Variants in NYAP2 observed in about 807,000 individuals in gnomAD.
NYAP2 encodes the protein neuronal tyrosine-phosphorylated phosphoinositide-3-kinase adaptor 2, also known as neuronal tyrosine-phosphorylated phosphoinositide-3-kinase adapter 2.
NYAP2 carries 23 observed loss-of-function variants against 50.4 expected under a neutral mutation model. The observed-to-expected ratio is 0.46, with a 90% CI of 0.33 to 0.65. The LOEUF is 0.65. Ranked by LOEUF, NYAP2 falls within the 30% of genes least tolerant of loss-of-function variation. The probability of loss-of-function intolerance (pLI) is 0.02; values close to 1 mark genes in which losing one functional copy is unlikely to be tolerated. For synonymous variants in NYAP2, 394 were observed against 365.2 expected (o/e 1.08, Z -0.90); for missense variants, 885 against 861.0 (o/e 1.03, Z -0.35).
downstream of NYAP2, among the ~76,000 whole-genome samples, chr2:225,654,764 C>T (rs578014558): frequency 6.6e-6 from 1 of 152,302 alleles, no homozygotes; most frequent in East Asian, 1.9e-4. Context: ...TGGTGCTTGT[C>T]TATGGAGGAA....
chr2:225,652,391 G>C (rs2106273118), exon 7 of NYAP2: 1 of 152,278 alleles, frequency 6.6e-6, no homozygotes, highest in South Asian at 2.1e-4. Context: ...AAAGAGACAA[G>C]AAATAAAGGC....
chr2:225,632,404 C>G lies in NYAP2; in HGVS notation c.1828+5278C>G, dbSNP rs373944052. On this transcript the variant is annotated intron_variant, in intron 6 of 6. Transcript: ENST00000636099. Reference sequence around the variant, plus strand: ...TTCTGCGTCTATTTCTCTCTGTCCCCCCTCCACACTGATATACATACAAAC... The same window carrying G: ...TTCTGCGTCTATTTCTCTCTGTCCCGCCTCCACACTGATATACATACAAAC... Among the ~76,000 whole-genome samples the G allele has an allele frequency of 5.9e-5, 9 of 152,272 alleles. No homozygotes were observed. In the South Asian group the frequency reaches 1.7e-3, roughly 28 times the overall value.
In NYAP2 at chr2:225,582,299, G is replaced by T. The variant is rs762294837; in HGVS notation, c.882G>T (p.Ser294=). The T allele has an allele frequency of 1.9e-6, 3 of 1,613,994 alleles. No individual in the cohort carries two copies. The highest frequency in any genetic ancestry group is 1.7e-5 in the Admixed American group (1 of 60,018). Residue 294 remains serine (S), a synonymous_variant, in exon 5 of 7, where the codon TCG becomes TCT. Transcript: ENST00000636099. The surrounding 1 kb of genome is among the most constrained non-coding windows in gnomAD (Gnocchi z 7.0). ...ACTTCGACCATCACAGCTGTTCTTC[G>T]CAGTGTGCTACTCCCACGGTGCCTG...
chr2:225,551,510 A>G (rs1021592529), intron 4 of NYAP2, among the ~76,000 whole-genome samples: 11 of 152,170 alleles, frequency 7.2e-5, no homozygotes, highest in African/African-American at 2.7e-4. Flanking sequence ...ACTGAGACAA[A>G]CCCCAAGGCA....
intron 3 of NYAP2, among the ~76,000 whole-genome samples, chr2:225,459,921 C>T (rs1438802648): frequency 3.3e-5 from 5 of 152,162 alleles, no homozygotes; most frequent in Admixed American, 6.5e-5. Context: ...ATCTGCCCAC[C>T]TCGGCCTCCC....
intron 3 of NYAP2, among the ~76,000 whole-genome samples, chr2:225,460,410 C>T (rs1689810609): frequency 6.6e-6 from 1 of 152,158 alleles, no homozygotes; most frequent in Non-Finnish European, 1.5e-5. Context: ...AGAAAGCTTA[C>T]TGAGTTACAA....
At chr2:225,403,752 A>G (rs1035241209) in intron 2 of NYAP2, among the ~76,000 whole-genome samples, 3 of 152,004 alleles carry the variant, frequency 2.0e-5, no homozygotes, top group Non-Finnish European at 4.4e-5. Flanking sequence ...TATGAAGGCT[A>G]CTGGACTAAC....
chr2:225,689,286 C>T, the NYAP2 span, among the ~76,000 whole-genome samples: 1 of 152,070 alleles, frequency 6.6e-6, no homozygotes, highest in Non-Finnish European at 1.5e-5. Flanking sequence ...AATGATTTTT[C>T]TTTATAATCA....
chr2:225,600,678 C>T (rs1692677701), intron 5 of NYAP2, among the ~76,000 whole-genome samples: 1 of 152,178 alleles, frequency 6.6e-6, no homozygotes, highest in Admixed American at 6.5e-5. Flanking sequence ...ATCATCACCA[C>T]TCAAGAGCTT....
chr2:225,664,136 G>T, the NYAP2 span, among the ~76,000 whole-genome samples: 1 of 152,116 alleles, frequency 6.6e-6, no homozygotes, highest in South Asian at 2.1e-4. Context: ...GGAAAGTCAA[G>T]TTAAGTAAAT....
At chr2:225,598,960 G>A (rs767904018) in intron 5 of NYAP2, among the ~76,000 whole-genome samples, 6 of 152,310 alleles carry the variant, frequency 3.9e-5, no homozygotes, top group Non-Finnish European at 5.9e-5. Context: ...AGAGACTCAT[G>A]AGTAGCTGAC....
intron 3 of NYAP2, among the ~76,000 whole-genome samples, chr2:225,478,979 A>C (rs1211815806): frequency 6.6e-6 from 1 of 152,196 alleles, no homozygotes; most frequent in Non-Finnish European, 1.5e-5. Flanking sequence ...TAGAGAATCC[A>C]ATCATTGGGA....
At chr2:225,555,427 G>T (rs977869313) in intron 4 of NYAP2, among the ~76,000 whole-genome samples, 1 of 151,932 alleles carries the variant, frequency 6.6e-6, no homozygotes. Context: ...CATCACAACC[G>T]AAGATTCTAT....
intron 5 of NYAP2, among the ~76,000 whole-genome samples, chr2:225,600,839 T>A (rs906502115): frequency 6.6e-6 from 1 of 152,252 alleles, no homozygotes; most frequent in Non-Finnish European, 1.5e-5. Context: ...ACTGGCTTAT[T>A]TCACTTAGCA....
intron 3 of NYAP2, among the ~76,000 whole-genome samples, chr2:225,475,135 T>C (rs1690081408): frequency 6.6e-6 from 1 of 152,148 alleles, no homozygotes; most frequent in South Asian, 2.1e-4. Context: ...CATAAGAAAA[T>C]AAAGTCATAA....
chr2:225,514,402 G>T (rs1371600027), intron 4 of NYAP2, among the ~76,000 whole-genome samples: 1 of 152,178 alleles, frequency 6.6e-6, no homozygotes, highest in African/African-American at 2.4e-5. Context: ...GTCATTTGGG[G>T]CTGCTATAAC....
At chr2:225,552,287 A>G (rs1691691882) in intron 4 of NYAP2, among the ~76,000 whole-genome samples, 1 of 152,226 alleles carries the variant, frequency 6.6e-6, no homozygotes, top group Non-Finnish European at 1.5e-5. Flanking sequence ...AACACATAGA[A>G]TTTCATATAA....
intron 3 of NYAP2, among the ~76,000 whole-genome samples, chr2:225,445,643 T>A (rs1323198578): frequency 3.9e-5 from 6 of 152,132 alleles, no homozygotes; most frequent in South Asian, 4.1e-4. Flanking sequence ...AAATATATTT[T>A]AAAAAATTAA....
intron 5 of NYAP2, among the ~76,000 whole-genome samples, chr2:225,597,633 A>G (rs1365225794): frequency 6.7e-6 from 1 of 149,504 alleles, no homozygotes; most frequent in East Asian, 2.0e-4. Flanking sequence ...GTGCACAAGT[A>G]TCTTTTTTGT....
Sources: allele counts gnomAD v4.1 joint callset (sites outside exome capture counted in the v4.1 genomes callset), GRCh38; gene constraint gnomAD v4.1.1; non-coding constraint Gnocchi (gnomAD v3.1); transcripts MANE v1.5; gene names NCBI Gene and HGNC (gene_info 2026-07-23, HGNC 2026-07-21).